SMYD3: variants seen among roughly 807,000 people sequenced by gnomAD.
SMYD3 encodes histone-lysine N-methyltransferase SMYD3.
A neutral mutation model predicts 57.7 loss-of-function variants in SMYD3; 36 were observed. That is an observed-to-expected ratio of 0.62 (90% CI 0.48 to 0.82). SMYD3 has a LOEUF of 0.82. Ranked by LOEUF, SMYD3 falls within the 40% of genes least tolerant of loss-of-function variation. The pLI, the probability that SMYD3 is intolerant of heterozygous loss-of-function variation, is 0.00. For synonymous variants in SMYD3, 211 were observed against 195.0 expected (o/e 1.08, Z -0.68); for missense variants, 515 against 538.8 (o/e 0.96, Z 0.44).
At chr1:245,995,828 A>G (rs1335642600) in intron 5 of SMYD3, among the ~76,000 whole-genome samples, 1 of 152,178 alleles carries the variant, frequency 6.6e-6, no homozygotes, top group Non-Finnish European at 1.5e-5. Context: ...GATGCATCAG[A>G]GAGCCAATAG....
At chr1:245,754,667 C>T (rs1323735113) in intron 11 of SMYD3, among the ~76,000 whole-genome samples, 3 of 152,208 alleles carry the variant, frequency 2.0e-5, no homozygotes, top group African/African-American at 7.2e-5. Context: ...CTCCACTCTA[C>T]ATCTTGGATA....
intron 11 of SMYD3, among the ~76,000 whole-genome samples, chr1:245,750,803 C>A (rs1471496430): frequency 6.6e-6 from 1 of 152,122 alleles, no homozygotes; most frequent in Non-Finnish European, 1.5e-5. Flanking sequence ...GCCCAGGAGA[C>A]TTGTAAAGAT....
intron 5 of SMYD3, among the ~76,000 whole-genome samples, chr1:246,231,992 G>A (rs1298549729): frequency 6.6e-6 from 1 of 152,168 alleles, no homozygotes; most frequent in Non-Finnish European, 1.5e-5. Flanking sequence ...TAACACTTGA[G>A]ACCACAGTCC....
intron 2 of SMYD3, among the ~76,000 whole-genome samples, chr1:246,339,678 T>A (rs1477911705): frequency 6.6e-6 from 1 of 152,214 alleles, no homozygotes; most frequent in African/African-American, 2.4e-5. Context: ...GGTTTCAATG[T>A]GTACCTCAAA....
At chr1:246,038,533 C>A (rs2059816520) in intron 5 of SMYD3, among the ~76,000 whole-genome samples, 1 of 152,166 alleles carries the variant, frequency 6.6e-6, no homozygotes, top group South Asian at 2.1e-4. Flanking sequence ...AACTCTCAGG[C>A]CACTGTATTC....
intron 1 of SMYD3, among the ~76,000 whole-genome samples, chr1:246,497,954 C>T (rs991188637): frequency 6.6e-6 from 1 of 151,974 alleles, no homozygotes; most frequent in Non-Finnish European, 1.5e-5. Flanking sequence ...TAAATATGGC[C>T]TTTAAACACA....
intron 5 of SMYD3, among the ~76,000 whole-genome samples, chr1:246,304,287 A>C (rs909128143): frequency 9.2e-5 from 14 of 152,226 alleles, no homozygotes; most frequent in Non-Finnish European, 1.5e-5. Flanking sequence ...AATCTGTATA[A>C]AGCAGGCAGC....
chr1:245,838,591 A>T (rs1046908694), intron 10 of SMYD3, among the ~76,000 whole-genome samples: 1 of 152,180 alleles, frequency 6.6e-6, no homozygotes. Context: ...AACATTTTGT[A>T]TACCTTCTTT....
At chr1:246,317,453 G>C (rs1401109006) in intron 5 of SMYD3, among the ~76,000 whole-genome samples, 1 of 152,278 alleles carries the variant, frequency 6.6e-6, no homozygotes, top group Non-Finnish European at 1.5e-5. Flanking sequence ...TGCTCAGTCT[G>C]CAAGCTAAGG....
At chr1:245,776,172 T>A (rs2046583147) in intron 10 of SMYD3, among the ~76,000 whole-genome samples, 1 of 152,206 alleles carries the variant, frequency 6.6e-6, no homozygotes, top group Non-Finnish European at 1.5e-5. Context: ...TCACAATATG[T>A]GATTTATTTA....
At chr1:246,491,068 C>T (rs1267182660) in intron 1 of SMYD3, among the ~76,000 whole-genome samples, 1 of 152,056 alleles carries the variant, frequency 6.6e-6, no homozygotes, top group African/African-American at 2.4e-5. Flanking sequence ...GTAGTTTGCC[C>T]CAACTCACAT....
intron 5 of SMYD3, among the ~76,000 whole-genome samples, chr1:246,224,816 T>A (rs1271733217): frequency 2.0e-5 from 3 of 151,836 alleles, no homozygotes; most frequent in Non-Finnish European, 2.9e-5. Flanking sequence ...AGAAAAAAAA[T>A]TAAGAGTAAT....
intron 5 of SMYD3, among the ~76,000 whole-genome samples, chr1:246,143,234 T>C (rs1190128447): frequency 1.3e-5 from 2 of 151,970 alleles, no homozygotes; most frequent in East Asian, 3.8e-4. Context: ...TAGGGACTCT[T>C]AGTGAATCAT....
chr1:245,833,671 C>A (rs1317150437), intron 10 of SMYD3, among the ~76,000 whole-genome samples: 2 of 152,200 alleles, frequency 1.3e-5, no homozygotes, highest in African/African-American at 4.8e-5. Flanking sequence ...AAGTTAAATT[C>A]AACTTTGGTG....
intron 8 of SMYD3, among the ~76,000 whole-genome samples, chr1:245,888,301 A>AG (rs1416764158): frequency 1.3e-5 from 2 of 152,246 alleles, no homozygotes; most frequent in Non-Finnish European, 1.5e-5. Context: ...TACCATCTAA[A>AG]GGGCTTGAGA....
At chr1:246,126,065 C>G (rs770491231) in intron 5 of SMYD3, among the ~76,000 whole-genome samples, 2 of 152,146 alleles carry the variant, frequency 1.3e-5, no homozygotes, top group African/African-American at 2.4e-5. Flanking sequence ...GTGCTTCAAG[C>G]AGAATAATTC....
At chr1:246,219,920 T>G (rs1010162091) in intron 5 of SMYD3, among the ~76,000 whole-genome samples, 1 of 152,102 alleles carries the variant, frequency 6.6e-6, no homozygotes, top group East Asian at 1.9e-4. Flanking sequence ...CCAGCGACCA[T>G]GTACTCCACC....
chr1:245,864,418 T>C (rs1055414136), intron 8 of SMYD3, among the ~76,000 whole-genome samples: 1 of 152,184 alleles, frequency 6.6e-6, no homozygotes, highest in Non-Finnish European at 1.5e-5. Context: ...AAGTACTACA[T>C]GCTACAACAT....
At chr1:245,891,916 C>T (rs9287198) in intron 8 of SMYD3, among the ~76,000 whole-genome samples, 151,941 of 152,328 alleles carry the variant, frequency 1, 75,782 homozygotes, top group Middle Eastern at 1. Flanking sequence ...CATGGTGGCA[C>T]ACGCCTGTAG....
Sources: gnomAD v4.1 joint callset for allele counts (sites outside exome capture counted in the v4.1 genomes callset) on GRCh38, gnomAD v4.1.1 for gene constraint, MANE v1.5 for transcripts, NCBI Gene and HGNC (gene_info 2026-07-23, HGNC 2026-07-21) for gene names.